SLC9B1: variants seen among roughly 807,000 people sequenced by gnomAD.
SLC9B1 encodes solute carrier family 9 member B1, also known as sodium/hydrogen exchanger 9B1.
In SLC9B1, 32 loss-of-function variants were observed where a neutral mutation model predicts 51.7. That is an observed-to-expected ratio of 0.62 (90% CI 0.47 to 0.83). The LOEUF is 0.83. SLC9B1 is among the 40% of genes least tolerant of loss of function. The pLI is 0.00. For missense variants in SLC9B1, 406 were observed against 613.2 expected, an observed-to-expected ratio of 0.66 and a Z score of 3.57; for synonymous variants, 145 against 212.7, an observed-to-expected ratio of 0.68 and a Z score of 2.77.
In SLC9B1 at chr4:103,011,846, T is replaced by C. The variant is rs549535704; in HGVS notation, c.-2+7753A>G. ...CCATGGACACCCTGGGCCCCTCCCTTGAAACTGTTCTGCCCTGAAGGCCCT... is the reference window on the plus strand; with the variant it reads ...CCATGGACACCCTGGGCCCCTCCCTCGAAACTGTTCTGCCCTGAAGGCCCT... On this transcript the variant is annotated intron_variant, in intron 1 of 11. Coordinates refer to ENST00000296422, the MANE Select transcript of SLC9B1 (RefSeq NM_139173.4). 2.1e-4 allele frequency among the ~76,000 whole-genome samples: 32 copies of C among 152,208 alleles called. No individual in the cohort carries two copies. In the South Asian group the frequency reaches 5.8e-3, roughly 28 times the overall value.
intron 3 of SLC9B1, among the ~76,000 whole-genome samples, chr4:102,951,151 T>A (rs1737533507): frequency 6.6e-6 from 1 of 152,206 alleles, no homozygotes; most frequent in Admixed American, 6.5e-5. Context: ...AAAACTGGCC[T>A]CATCCAACTT....
chr4:103,001,066 C>T (rs1740499875), intron 1 of SLC9B1, among the ~76,000 whole-genome samples: 1 of 152,224 alleles, frequency 6.6e-6, no homozygotes, highest in South Asian at 2.1e-4. Context: ...GACTTCTGTG[C>T]ACCCATGGGC....
chr4:102,955,770 C>T (rs1477431428), intron 3 of SLC9B1, among the ~76,000 whole-genome samples: 16 of 146,584 alleles, frequency 1.1e-4, no homozygotes, highest in African/African-American at 3.5e-4. Flanking sequence ...TATCCTGGAA[C>T]TCAAAGTAAA....
At chr4:102,955,293 T>A (rs568415852) in intron 3 of SLC9B1, among the ~76,000 whole-genome samples, 7 of 152,298 alleles carry the variant, frequency 4.6e-5, no homozygotes, top group Non-Finnish European at 8.8e-5. Flanking sequence ...AGAAGTGCCT[T>A]TCACCTCCCG....
intron 3 of SLC9B1, among the ~76,000 whole-genome samples, chr4:102,960,203 T>TTA (rs35932337): frequency 0.53 from 79,853 of 150,666 alleles, 21,506 homozygotes; most frequent in African/African-American, 0.63. Flanking sequence ...CTTGACTATA[T>TTA]TATATATATA....
intron 3 of SLC9B1, among the ~76,000 whole-genome samples, chr4:102,950,425 C>A (rs1737489911): frequency 1.3e-5 from 2 of 152,168 alleles, no homozygotes; most frequent in East Asian, 1.9e-4. Context: ...CTATAAAGGA[C>A]AGACAATAAC....
At chr4:102,941,818 C>T (rs1196038454) in intron 6 of SLC9B1, among the ~76,000 whole-genome samples, 2 of 151,170 alleles carry the variant, frequency 1.3e-5, no homozygotes, top group Non-Finnish European at 2.9e-5. Flanking sequence ...AGCAATCAGA[C>T]AAGAGAAAGA....
intron 3 of SLC9B1, among the ~76,000 whole-genome samples, chr4:102,951,536 T>C (rs546497836): frequency 4.6e-5 from 7 of 151,876 alleles, no homozygotes; most frequent in Non-Finnish European, 8.8e-5. Context: ...CTTGAAAGCA[T>C]TGTAAAATAA....
At chr4:102,967,410 C>T (rs1175671336) in intron 3 of SLC9B1, among the ~76,000 whole-genome samples, 5 of 152,072 alleles carry the variant, frequency 3.3e-5, no homozygotes, top group Non-Finnish European at 5.9e-5. Context: ...AACAGAATAC[C>T]GGAGACTGAG....
chr4:102,935,644 A>C (rs948599366), intron 6 of SLC9B1, among the ~76,000 whole-genome samples: 1 of 152,254 alleles, frequency 6.6e-6, no homozygotes, highest in Non-Finnish European at 1.5e-5. Flanking sequence ...ACTATTGTTA[A>C]GTGAAAAGAA....
chr4:102,894,868 G>T (rs1246274024), intron 11 of SLC9B1, among the ~76,000 whole-genome samples: 1 of 152,090 alleles, frequency 6.6e-6, no homozygotes, highest in Non-Finnish European at 1.5e-5. Flanking sequence ...GGGAGGTTGG[G>T]GCTTCAGTGA....
At chr4:102,974,040 A>G (rs1738902064) in intron 3 of SLC9B1, among the ~76,000 whole-genome samples, 1 of 152,006 alleles carries the variant, frequency 6.6e-6, no homozygotes, top group African/African-American at 2.4e-5. Context: ...GTTCAAGACC[A>G]GCTTGGCCAA....
intron 1 of SLC9B1, among the ~76,000 whole-genome samples, chr4:102,993,090 C>CT (rs34304110): frequency 0.55 from 83,295 of 151,892 alleles, 23,424 homozygotes; most frequent in African/African-American, 0.69. Context: ...CATTCTGCCC[C>CT]GGCCCCTCCC....
intron 1 of SLC9B1, among the ~76,000 whole-genome samples, chr4:102,993,930 A>C (rs1038356124): frequency 6.6e-6 from 1 of 152,174 alleles, no homozygotes; most frequent in African/African-American, 2.4e-5. Flanking sequence ...GCAGGGCACC[A>C]TGTCTCAAGG....
chr4:102,931,087 G>C (rs1330332553), intron 7 of SLC9B1, among the ~76,000 whole-genome samples: 1 of 151,912 alleles, frequency 6.6e-6, no homozygotes, highest in African/African-American at 2.4e-5. Flanking sequence ...TTAGCCGGGC[G>C]TGGTGGTGGG....
chr4:102,935,376 T>C (rs551424143), intron 6 of SLC9B1, among the ~76,000 whole-genome samples: 70 of 152,318 alleles, frequency 4.6e-4, no homozygotes, highest in Non-Finnish European at 8.8e-4. Context: ...ACAACAGGTA[T>C]GCTCATAAGC....
downstream of SLC9B1, among the ~76,000 whole-genome samples, chr4:102,899,321 TTA>T (rs1476282908): frequency 6.6e-6 from 1 of 150,708 alleles, no homozygotes; most frequent in African/African-American, 2.4e-5. Flanking sequence ...TGAAAATTAT[TTA>T]TCTCTCTTTT....
chr4:102,936,081 A>G (rs1736709181), intron 6 of SLC9B1, among the ~76,000 whole-genome samples: 1 of 152,218 alleles, frequency 6.6e-6, no homozygotes, highest in South Asian at 2.1e-4. Context: ...CTGAAGGGCC[A>G]GACAACAAAT....
intron 3 of SLC9B1, among the ~76,000 whole-genome samples, chr4:102,957,042 C>G (rs1424584290): frequency 6.6e-6 from 1 of 152,010 alleles, no homozygotes; most frequent in Non-Finnish European, 1.5e-5. Flanking sequence ...GAAAAAATCA[C>G]TAGCGAGGTT....
Sources: gnomAD v4.1 joint callset for allele counts (sites outside exome capture counted in the v4.1 genomes callset) on GRCh38, gnomAD v4.1.1 for gene constraint, MANE v1.5 for transcripts, NCBI Gene and HGNC (gene_info 2026-07-23, HGNC 2026-07-21) for gene names.